The following TENM4 variants were observed in gnomAD, a reference collection of about 807,000 sequenced individuals.
TENM4 encodes the protein teneurin-4.
TENM4 carries 82 observed loss-of-function variants against 243.3 expected under a neutral mutation model. The observed-to-expected ratio is 0.34, with a 90% CI of 0.28 to 0.40. The LOEUF is 0.40. Ranked by LOEUF, TENM4 falls within the 10% of genes least tolerant of loss-of-function variation. The pLI is 1.00. For synonymous variants in TENM4, 1,412 were observed against 1,456.3 expected (o/e 0.97, Z 0.69); for missense variants, 3,138 against 3,673.3 (o/e 0.85, Z 3.77).
At chr11:78,733,332 C>G (rs1288398576) in intron 20 of TENM4, among the ~76,000 whole-genome samples, 2 of 152,184 alleles carry the variant, frequency 1.3e-5, no homozygotes, top group Non-Finnish European at 2.9e-5. Context: ...CTGGGGAGGT[C>G]TGAGGAGAAA....
At chr11:79,232,079 A>C (rs1864383444) in intron 2 of TENM4, among the ~76,000 whole-genome samples, 1 of 152,166 alleles carries the variant, frequency 6.6e-6, no homozygotes, top group South Asian at 2.1e-4. Flanking sequence ...GACTGTCTGG[A>C]AAAGAAAAAA....
At chr11:78,961,310 C>T (rs558244276) in intron 6 of TENM4, among the ~76,000 whole-genome samples, 7 of 152,292 alleles carry the variant, frequency 4.6e-5, no homozygotes, top group African/African-American at 1.7e-4. Flanking sequence ...CATCCTGCCC[C>T]ACCTCTTAGA....
chr11:79,205,263 A>G (rs1010888979), intron 3 of TENM4, among the ~76,000 whole-genome samples: 2 of 152,216 alleles, frequency 1.3e-5, no homozygotes, highest in East Asian at 3.8e-4. Context: ...TTGCAAAAGT[A>G]TAAAATACTG....
chr11:79,218,241 C>CCT (rs1565254780), intron 2 of TENM4, among the ~76,000 whole-genome samples: 2 of 143,944 alleles, frequency 1.4e-5, no homozygotes, highest in Non-Finnish European at 1.5e-5. Flanking sequence ...CCCACCCACC[C>CCT]CCGACACACA....
intron 20 of TENM4, among the ~76,000 whole-genome samples, chr11:78,736,312 T>C (rs1186048833): frequency 2.6e-5 from 4 of 152,176 alleles, no homozygotes; most frequent in Admixed American, 2.6e-4. Context: ...TCTACATCTC[T>C]TGCCTGCTGT....
chr11:79,124,915 G>GTGTGTT (rs1361284557), intron 4 of TENM4, among the ~76,000 whole-genome samples: 1 of 149,530 alleles, frequency 6.7e-6, no homozygotes, highest in Non-Finnish European at 1.5e-5. Flanking sequence ...GTGTGTGTGT[G>GTGTGTT]TGTGTGTATG....
intron 1 of TENM4, among the ~76,000 whole-genome samples, chr11:79,394,700 C>G (rs1396345684): frequency 6.6e-6 from 1 of 152,176 alleles, no homozygotes; most frequent in Non-Finnish European, 1.5e-5. Flanking sequence ...TGAATGTAAT[C>G]AAGATGTAAG....
At chr11:79,436,581 A>G (rs927892939) in intron 1 of TENM4, among the ~76,000 whole-genome samples, 3 of 152,200 alleles carry the variant, frequency 2.0e-5, no homozygotes, top group African/African-American at 7.2e-5. Flanking sequence ...GTGGGAACCC[A>G]TTACTCTAAC....
rs143681173 is a variant in TENM4, at chr11:78,692,324, G to A, written c.5088-4098C>T. On this transcript the variant is annotated intron_variant, in intron 28 of 33. Transcript: ENST00000278550. The stretch of plus-strand genomic sequence containing the variant: ...TGCCAGTAATGTGATCTAGAGGACG[G>A]GCACTTGGCTCTGTGTTCCTCCTAA... Among the ~76,000 whole-genome samples the A allele has an allele frequency of 3.9e-5, 6 of 152,252 alleles. No homozygotes were observed. The East Asian group carries it at 9.7e-4, about 25-fold the overall frequency.
At chr11:79,184,094 G>GA (rs1416091696) in intron 3 of TENM4, among the ~76,000 whole-genome samples, 1 of 152,146 alleles carries the variant, frequency 6.6e-6, no homozygotes, top group Non-Finnish European at 1.5e-5. Context: ...GTCAAAAGAG[G>GA]AATCAATCCT....
chr11:78,655,533 GAAAA>G lies in TENM4; in HGVS notation c.*2521_*2524del, dbSNP rs1857869797. On this transcript the variant is annotated 3_prime_UTR_variant, in exon 34 of 34. Transcript: ENST00000278550. ...CTCTATGAAAAAAAAAAGAAAGAAA[GAAAA>G]AAATAAATGAAACACCCAATAATTC... 6.6e-6 allele frequency: 1 copy of G among 151,364 alleles called. No individual in the cohort carries two copies. The highest frequency in any genetic ancestry group is 1.5e-5 in the Non-Finnish European group (1 of 67,918). The allele number at this position is 151,364 out of a possible 1,614,324, so 9.4% of individuals were successfully genotyped here.
intron 6 of TENM4, 123 bp from the exon 7 acceptor site, chr11:78,903,646 C>A: frequency 7.2e-7 from 1 of 1,390,652 alleles, no homozygotes; most frequent in Non-Finnish European, 9.8e-7. Flanking sequence ...CATATTGATG[C>A]AGTCAATCAG....
intron 1 of TENM4, among the ~76,000 whole-genome samples, chr11:79,367,058 T>C (rs546000268): frequency 6.6e-6 from 1 of 152,332 alleles, no homozygotes; most frequent in South Asian, 2.1e-4. Flanking sequence ...CACTAAACTT[T>C]GGAATTATTT....
rs1859315138 is a variant in TENM4, at chr11:79,438,050, A to G, written c.-321+2459T>C. On this transcript the variant is annotated intron_variant, in intron 1 of 33. Transcript: ENST00000278550. The surrounding 1 kb of genome is among the most constrained non-coding windows in gnomAD (Gnocchi z 4.1). ...TTATTTTACAGCAAGGAACAGATTC[A>G]GACAGATCGGGGATTTCAGTGGGAG... 6.6e-6 allele frequency among the ~76,000 whole-genome samples: 1 copy of G among 152,174 alleles called. No homozygotes were observed. Among genetic ancestry groups the G allele is most frequent in the Non-Finnish European group, 1.5e-5 (1 of 68,028 alleles).
intron 6 of TENM4, among the ~76,000 whole-genome samples, chr11:78,962,831 T>G (rs748848802): frequency 3.3e-5 from 5 of 152,252 alleles, no homozygotes; most frequent in African/African-American, 9.6e-5. Context: ...TATTCCGACC[T>G]GCCTGGAACA....
chr11:79,378,866 G>A (rs1194654126), intron 1 of TENM4, among the ~76,000 whole-genome samples: 3 of 133,596 alleles, frequency 2.2e-5, no homozygotes, highest in Non-Finnish European at 3.1e-5. Context: ...CTGGGTGACA[G>A]AATGAGGCCC....
At chr11:79,259,220 A>G (rs1437286940) in intron 2 of TENM4, among the ~76,000 whole-genome samples, 1 of 152,198 alleles carries the variant, frequency 6.6e-6, no homozygotes, top group Admixed American at 6.5e-5. Flanking sequence ...TCAAGGATCA[A>G]ATAAGATACA....
At chr11:78,903,722 A>G in intron 6 of TENM4, 199 bp from the exon 7 acceptor site, 1 of 872,718 alleles carries the variant, frequency 1.1e-6, no homozygotes, top group Non-Finnish European at 1.8e-6. Context: ...TTAACCAACT[A>G]AACAGACAAA....
chr11:78,829,459 G>A (rs1033336445), intron 12 of TENM4, among the ~76,000 whole-genome samples: 23 of 152,152 alleles, frequency 1.5e-4, no homozygotes, highest in Admixed American at 9.2e-4. Flanking sequence ...ATGCATGGGA[G>A]GCATTTAACG....
Sources: gnomAD v4.1 joint callset for allele counts (sites outside exome capture counted in the v4.1 genomes callset) on GRCh38, gnomAD v4.1.1 for gene constraint, Gnocchi (gnomAD v3.1) non-coding constraint, MANE v1.5 for transcripts, NCBI Gene and HGNC (gene_info 2026-07-23, HGNC 2026-07-21) for gene names.